SUGCT: variants seen among roughly 807,000 people sequenced by gnomAD.
SUGCT encodes succinyl-CoA:glutarate-CoA transferase.
A neutral mutation model predicts 55.0 loss-of-function variants in SUGCT; 41 were observed. The ratio of observed to expected loss-of-function variants is 0.74; its 90% CI spans 0.58 to 0.97. The LOEUF (loss-of-function observed/expected upper bound fraction) is 0.97, where lower values mean the gene tolerates loss of function less well. Ranked by LOEUF, SUGCT falls within the 50% of genes least tolerant of loss-of-function variation. The pLI is 0.00. For synonymous variants in SUGCT, 187 were observed against 200.4 expected (o/e 0.93, Z 0.56); for missense variants, 568 against 547.8 (o/e 1.04, Z -0.37).
At chr7:40,524,259 T>A (rs907181171) in intron 12 of SUGCT, among the ~76,000 whole-genome samples, 6 of 152,190 alleles carry the variant, frequency 3.9e-5, no homozygotes, top group African/African-American at 1.4e-4. Context: ...AACTCATATT[T>A]ATTTTAATAA....
intron 9 of SUGCT, among the ~76,000 whole-genome samples, chr7:40,330,222 G>A (rs1024427099): frequency 1.3e-5 from 2 of 152,232 alleles, no homozygotes; most frequent in African/African-American, 2.4e-5. Flanking sequence ...TTCTGAGTGT[G>A]TGAGGTGTCT....
intron 12 of SUGCT, among the ~76,000 whole-genome samples, chr7:40,581,690 A>G (rs1304628046): frequency 6.6e-6 from 1 of 152,184 alleles, no homozygotes; most frequent in Non-Finnish European, 1.5e-5. Flanking sequence ...TTGCAGAGGA[A>G]ATAAAAAATA....
At chr7:40,982,717 C>T in the SUGCT span, among the ~76,000 whole-genome samples, 61 of 152,142 alleles carry the variant, frequency 4.0e-4, no homozygotes, top group East Asian at 0.01. Flanking sequence ...GTGGCATGAT[C>T]TCGGCTCACT....
chr7:40,944,436 C>A, the SUGCT span, among the ~76,000 whole-genome samples: 6,059 of 151,528 alleles, frequency 0.04, 138 homozygotes, highest in South Asian at 0.073. Context: ...AGTCTTTAAT[C>A]CATCTTGAAT....
chr7:40,439,321 G>A (rs1280736093), intron 9 of SUGCT, among the ~76,000 whole-genome samples: 1 of 151,106 alleles, frequency 6.6e-6, no homozygotes, highest in Non-Finnish European at 1.5e-5. Context: ...CACCTCATCA[G>A]GACTTCTGAC....
chr7:40,276,835 G>GTC (rs1420951542), intron 8 of SUGCT, among the ~76,000 whole-genome samples: 13 of 147,352 alleles, frequency 8.8e-5, no homozygotes, highest in Non-Finnish European at 1.8e-4. Context: ...CTGTCTGTCT[G>GTC]TGTCTGTGTC....
chr7:40,707,034 C>T (rs1785452470), intron 12 of SUGCT, among the ~76,000 whole-genome samples: 1 of 152,162 alleles, frequency 6.6e-6, no homozygotes, highest in South Asian at 2.1e-4. Flanking sequence ...AAGAGCATCT[C>T]TGTGTTAGCA....
chr7:41,013,376 A>C, the SUGCT span, among the ~76,000 whole-genome samples: 1 of 152,176 alleles, frequency 6.6e-6, no homozygotes, highest in Non-Finnish European at 1.5e-5. Context: ...CCATTCACAG[A>C]CGAACAAAAA....
chr7:40,502,363 G>GTA (rs1792330430), intron 12 of SUGCT, among the ~76,000 whole-genome samples: 1 of 151,894 alleles, frequency 6.6e-6, no homozygotes, highest in Non-Finnish European at 1.5e-5. Context: ...TTGCAACCCA[G>GTA]AATAAAGAGT....
At chr7:40,483,231 A>C (rs1791151550) in intron 11 of SUGCT, among the ~76,000 whole-genome samples, 1 of 152,074 alleles carries the variant, frequency 6.6e-6, no homozygotes, top group South Asian at 2.1e-4. Context: ...TTTGATTTGG[A>C]TTTACTCAGA....
chr7:40,662,004 TA>T (rs1801351911), intron 12 of SUGCT, among the ~76,000 whole-genome samples: 1 of 152,238 alleles, frequency 6.6e-6, no homozygotes, highest in African/African-American at 2.4e-5. Flanking sequence ...GTATCTCTAC[TA>T]GAATTCGTAA....
intron 9 of SUGCT, among the ~76,000 whole-genome samples, chr7:40,329,003 C>G (rs536992500): frequency 5.1e-4 from 78 of 152,208 alleles, no homozygotes; most frequent in African/African-American, 1.6e-3. Context: ...GGTCAGGGCT[C>G]TTTAGCTCAA....
intron 1 of SUGCT, among the ~76,000 whole-genome samples, chr7:40,148,053 A>T (rs1788355340): frequency 6.6e-6 from 1 of 152,130 alleles, no homozygotes; most frequent in Non-Finnish European, 1.5e-5. Flanking sequence ...AGGCTAAACT[A>T]ACTCTGATTG....
the SUGCT span, among the ~76,000 whole-genome samples, chr7:40,905,654 A>T: frequency 6.6e-6 from 1 of 151,978 alleles, no homozygotes; most frequent in East Asian, 1.9e-4. Context: ...AGGTGCCTTG[A>T]AAAAAAATTG....
intron 12 of SUGCT, among the ~76,000 whole-genome samples, chr7:40,628,861 G>A (rs2151804570): frequency 6.6e-6 from 1 of 152,132 alleles, no homozygotes; most frequent in Middle Eastern, 3.4e-3. Flanking sequence ...CTGCCTCAGA[G>A]TCTCTAGTAG....
At chr7:40,707,322 C>A (rs1038491008) in intron 12 of SUGCT, among the ~76,000 whole-genome samples, 5 of 150,374 alleles carry the variant, frequency 3.3e-5, no homozygotes, top group African/African-American at 9.8e-5. Context: ...TCATTTGTTT[C>A]GGAAGGTGTT....
At chr7:40,744,776 T>A (rs1034994707) in intron 12 of SUGCT, among the ~76,000 whole-genome samples, 3 of 152,240 alleles carry the variant, frequency 2.0e-5, no homozygotes, top group Admixed American at 2.0e-4. Context: ...TTACTACATT[T>A]ATCATTGTTA....
At chr7:40,931,889 A>AT in the SUGCT span, among the ~76,000 whole-genome samples, 3 of 152,016 alleles carry the variant, frequency 2.0e-5, no homozygotes, top group Non-Finnish European at 2.9e-5. Flanking sequence ...GGATTCATTG[A>AT]TTTTTTGAAG....
At chr7:40,544,358 C>G (rs1385328245) in intron 12 of SUGCT, among the ~76,000 whole-genome samples, 1 of 152,038 alleles carries the variant, frequency 6.6e-6, no homozygotes, top group Non-Finnish European at 1.5e-5. Context: ...GGTGTGTGAG[C>G]AAAGGAGAGG....
Sources: allele counts gnomAD v4.1 joint callset (sites outside exome capture counted in the v4.1 genomes callset), GRCh38; gene constraint gnomAD v4.1.1; transcripts MANE v1.5; gene names NCBI Gene and HGNC (gene_info 2026-07-23, HGNC 2026-07-21).